The following TENM3 variants were observed in gnomAD, a reference collection of about 807,000 sequenced individuals.
TENM3 encodes the protein teneurin-3.
A neutral mutation model predicts 255.1 loss-of-function variants in TENM3; 63 were observed. That is an observed-to-expected ratio of 0.25 (90% CI 0.20 to 0.30). The LOEUF (loss-of-function observed/expected upper bound fraction) is 0.30. TENM3 is among the 10% of genes least tolerant of loss of function. The pLI is 1.00. For missense variants in TENM3, 2,929 were observed against 3,461.1 expected (o/e 0.85, Z 3.86); for synonymous variants, 1,306 against 1,322.3 (o/e 0.99, Z 0.27).
the TENM3 span, among the ~76,000 whole-genome samples, chr4:181,826,371 TA>T: frequency 1.3e-5 from 2 of 152,238 alleles, no homozygotes; most frequent in Admixed American, 1.3e-4. Context: ...TCATCAGTAG[TA>T]AAACTATTAA....
intron 3 of TENM3, among the ~76,000 whole-genome samples, chr4:182,388,197 T>C (rs1768136429): frequency 6.6e-6 from 1 of 152,112 alleles, no homozygotes; most frequent in African/African-American, 2.4e-5. Context: ...AGTTCAAAGT[T>C]CCATCGCCAC....
At chr4:181,736,943 C>A in the TENM3 span, among the ~76,000 whole-genome samples, 2 of 152,104 alleles carry the variant, frequency 1.3e-5, no homozygotes, top group East Asian at 3.9e-4. Flanking sequence ...TGGCCCATAA[C>A]ACAATCACTT....
intron 4 of TENM3, among the ~76,000 whole-genome samples, chr4:182,614,905 T>G (rs1749330288): frequency 6.6e-6 from 1 of 151,958 alleles, no homozygotes; most frequent in Middle Eastern, 3.4e-3. Flanking sequence ...CTACCATTGC[T>G]GCAGCCTTTT....
At chr4:182,625,647 T>A (rs1156782874) in intron 4 of TENM3, among the ~76,000 whole-genome samples, 1 of 152,202 alleles carries the variant, frequency 6.6e-6, no homozygotes, top group Admixed American at 6.5e-5. Context: ...TTTGGCCCTG[T>A]GAAATTCATA....
the TENM3 span, among the ~76,000 whole-genome samples, chr4:181,899,985 T>A: frequency 6.6e-6 from 1 of 152,214 alleles, no homozygotes; most frequent in Non-Finnish European, 1.5e-5. Context: ...AACCTTTCAT[T>A]TTATATTGGT....
chr4:182,525,299 A>G (rs566006005), intron 3 of TENM3, among the ~76,000 whole-genome samples: 67 of 152,322 alleles, frequency 4.4e-4, no homozygotes, highest in African/African-American at 1.6e-3. Flanking sequence ...AAACAAAAAC[A>G]AGCTATAGCA....
At chr4:181,494,818 T>C in the TENM3 span, among the ~76,000 whole-genome samples, 3 of 152,310 alleles carry the variant, frequency 2.0e-5, no homozygotes, top group Non-Finnish European at 2.9e-5. Flanking sequence ...AATCCTCATG[T>C]TAATTTCCCC....
intron 6 of TENM3, among the ~76,000 whole-genome samples, chr4:182,659,516 A>T (rs1257064254): frequency 6.6e-6 from 1 of 152,150 alleles, no homozygotes; most frequent in East Asian, 1.9e-4. Flanking sequence ...CACAGACCCT[A>T]TGGATAAGAA....
the TENM3 span, among the ~76,000 whole-genome samples, chr4:181,974,289 C>T: frequency 6.6e-6 from 1 of 152,150 alleles, no homozygotes; most frequent in Non-Finnish European, 1.5e-5. Context: ...CAATGCCGGC[C>T]AGGTGCAGTG....
the TENM3 span, among the ~76,000 whole-genome samples, chr4:182,123,737 C>T: frequency 5.9e-5 from 9 of 152,094 alleles, no homozygotes; most frequent in Non-Finnish European, 1.2e-4. Flanking sequence ...CACAGAGACA[C>T]GAAGTGAGCA....
At chr4:182,146,454 A>G (rs1261812656) in intron 1 of TENM3, among the ~76,000 whole-genome samples, 1 of 152,128 alleles carries the variant, frequency 6.6e-6, no homozygotes, top group African/African-American at 2.4e-5. Flanking sequence ...GGAGTTTATA[A>G]TGAGTTTAGT....
At chr4:181,989,732 G>A in the TENM3 span, among the ~76,000 whole-genome samples, 1 of 152,124 alleles carries the variant, frequency 6.6e-6, no homozygotes. Flanking sequence ...AATCGACTTG[G>A]ATGCAGCTAT....
the TENM3 span, among the ~76,000 whole-genome samples, chr4:181,456,095 ATGTGTG>A: frequency 5.3e-4 from 72 of 135,416 alleles, no homozygotes; most frequent in Non-Finnish European, 7.8e-4. Context: ...TGGTAAATAT[ATGTGTG>A]TGTGTGTGTG....
chr4:182,142,638 T>C (rs1014980327), upstream of TENM3: 2 of 167,410 alleles, frequency 1.2e-5, no homozygotes, highest in African/African-American at 4.8e-5. Context: ...GCGAGGCGGC[T>C]GGCGCGACGA....
At chr4:182,262,935 G>A (rs112688144) in intron 1 of TENM3, among the ~76,000 whole-genome samples, 14 of 151,984 alleles carry the variant, frequency 9.2e-5, no homozygotes, top group Admixed American at 7.9e-4. Context: ...GGATGGTCTC[G>A]ATCTCCTGAC....
chr4:181,943,834 G>C, the TENM3 span, among the ~76,000 whole-genome samples: 5 of 152,158 alleles, frequency 3.3e-5, no homozygotes, highest in African/African-American at 1.2e-4. Context: ...GGTCTGACAC[G>C]TTTCCGCAGG....
intron 3 of TENM3, chr4:182,349,927 G>A (rs73869944): frequency 1.9e-5 from 5 of 263,496 alleles, no homozygotes; most frequent in Admixed American, 5.4e-5. Context: ...AAAAGGAAAC[G>A]AATTTAAGAG....
At chr4:182,642,541 T>C (rs988320131) in intron 5 of TENM3, among the ~76,000 whole-genome samples, 3 of 152,228 alleles carry the variant, frequency 2.0e-5, no homozygotes, top group Admixed American at 6.5e-5. Context: ...GCTAAATCAC[T>C]GTGTGTTCCC....
the TENM3 span, among the ~76,000 whole-genome samples, chr4:181,693,738 C>G: frequency 2.4e-3 from 369 of 152,184 alleles, no homozygotes; most frequent in African/African-American, 8.4e-3. Context: ...TTGTCCCTTC[C>G]GGAAATCCTA....
Sources: allele counts gnomAD v4.1 joint callset (sites outside exome capture counted in the v4.1 genomes callset), GRCh38; gene constraint gnomAD v4.1.1; transcripts MANE v1.5; gene names NCBI Gene and HGNC (gene_info 2026-07-23, HGNC 2026-07-21).